The following TMEM132B variants were observed in gnomAD, a reference collection of about 807,000 sequenced individuals.
TMEM132B encodes transmembrane protein 132B.
Under a neutral mutation model 90.8 loss-of-function variants are expected in TMEM132B, and 18 were observed. The observed-to-expected ratio is 0.20, with a 90% CI of 0.14 to 0.29. TMEM132B has a LOEUF of 0.29. Among genes scored for constraint, TMEM132B ranks in the 10% least tolerant of loss-of-function variants. TMEM132B has a pLI of 1.00. For missense variants in TMEM132B, 1,096 were observed against 1,326.8 expected, an observed-to-expected ratio of 0.83 and a Z score of 2.70; for synonymous variants, 504 against 523.3, an observed-to-expected ratio of 0.96 and a Z score of 0.50.
chr12:125,317,118 T>G (rs947561682), intron 1 of TMEM132B, among the ~76,000 whole-genome samples: 1 of 152,256 alleles, frequency 6.6e-6, no homozygotes, highest in Non-Finnish European at 1.5e-5. Flanking sequence ...TTCTCCATCA[T>G]CAGCCTGGCA....
At chr12:125,417,095 C>T (rs1880035498) in intron 3 of TMEM132B, among the ~76,000 whole-genome samples, 1 of 152,120 alleles carries the variant, frequency 6.6e-6, no homozygotes, top group South Asian at 2.1e-4. Context: ...TCTGTCTTCC[C>T]ACTCCAGTAT....
At chr12:125,204,264 C>T in intron 1 of TMEM132B, among the ~76,000 whole-genome samples, 1 of 144,554 alleles carries the variant, frequency 6.9e-6, no homozygotes, top group East Asian at 2.1e-4. Flanking sequence ...CTGTGCTTAG[C>T]TCTTTATGTG....
chr12:125,406,334 C>T lies in TMEM132B; in HGVS notation c.960-9197C>T, dbSNP rs543829576. Reference sequence around the variant, plus strand: ...GCGATACTACCCCTGCGGGGTTGCACGAGGCATCTGTGTATTAGCAGTGCA... The same window carrying T: ...GCGATACTACCCCTGCGGGGTTGCATGAGGCATCTGTGTATTAGCAGTGCA... On this transcript the variant is annotated intron_variant, in intron 2 of 8. Transcript: ENST00000682704. The surrounding 1 kb of genome is among the most constrained non-coding windows in gnomAD (Gnocchi z 8.3). Among the ~76,000 whole-genome samples, 27 of 152,326 alleles carry T rather than the reference C, an allele frequency of 1.8e-4. No homozygotes were observed. Among genetic ancestry groups the T allele is most frequent in the Non-Finnish European group, 3.1e-4 (21 of 68,036 alleles).
chr12:125,290,696 GTCC>G (rs1248805424), intron 1 of TMEM132B, among the ~76,000 whole-genome samples: 2 of 152,160 alleles, frequency 1.3e-5, no homozygotes, highest in Non-Finnish European at 2.9e-5. Flanking sequence ...ATATTCATCT[GTCC>G]TCCTGCTGAT....
At chr12:125,340,123 G>A (rs77510182) in intron 1 of TMEM132B, among the ~76,000 whole-genome samples, 2,404 of 152,312 alleles carry the variant, frequency 0.016, 28 homozygotes, top group Non-Finnish European at 0.026. Flanking sequence ...ACAGTTTGGA[G>A]AAAGTGGCTA....
At chr12:125,567,868 G>A (rs2136819485) in intron 4 of TMEM132B, among the ~76,000 whole-genome samples, 1 of 152,290 alleles carries the variant, frequency 6.6e-6, no homozygotes, top group African/African-American at 2.4e-5. Flanking sequence ...AATAGGTGGT[G>A]CAAGGAATTA....
At chr12:125,572,289 G>A (rs1448265660) in intron 4 of TMEM132B, among the ~76,000 whole-genome samples, 1 of 152,228 alleles carries the variant, frequency 6.6e-6, no homozygotes, top group African/African-American at 2.4e-5. Flanking sequence ...AGCACTGGGA[G>A]CTGAAGCCTT....
At position 125,654,112 on chromosome 12, in the gene TMEM132B, AC is replaced by A; in HGVS notation, c.2658del (p.Asn887IlefsTer8). ...TSFPTQGKSP[D>X]PNNPSDLTVT... is the part of the protein sequence containing the mutation. ...TTCCCCACTCAAGGGAAGTCACCGG[AC>A]CCCAATAATCCTAGTGACCTCACAG... On this transcript the variant is annotated frameshift_variant, in exon 9 of 9. Coordinates refer to ENST00000682704, the MANE Select transcript of TMEM132B (RefSeq NM_001366854.1). LOFTEE classifies it high-confidence loss of function. This position sits in a 1 kb window ranked among gnomAD's most constrained non-coding sequence, Gnocchi z 5.8. The A allele has an allele frequency of 6.2e-7, 1 of 1,614,114 alleles. No homozygotes were observed. Among genetic ancestry groups the A allele is most frequent in the Non-Finnish European group, 8.5e-7 (1 of 1,180,024 alleles).
chr12:125,619,897 C>T (rs1375642263), intron 5 of TMEM132B, among the ~76,000 whole-genome samples: 4 of 152,170 alleles, frequency 2.6e-5, no homozygotes, highest in African/African-American at 4.8e-5. Flanking sequence ...TGTGTTGAAA[C>T]AAGCACCCTC....
chr12:125,423,256 C>G (rs1880219383), intron 3 of TMEM132B, among the ~76,000 whole-genome samples: 2 of 152,188 alleles, frequency 1.3e-5, no homozygotes, highest in Non-Finnish European at 1.5e-5. Flanking sequence ...TTGAGATACA[C>G]AATTCTTAGA....
At chr12:125,294,248 A>G (rs1875613028) in intron 1 of TMEM132B, among the ~76,000 whole-genome samples, 1 of 152,134 alleles carries the variant, frequency 6.6e-6, no homozygotes, top group South Asian at 2.1e-4. Context: ...ATACCACTAC[A>G]TTTGGGGTGG....
chr12:125,413,318 T>C (rs1879910572), intron 2 of TMEM132B, among the ~76,000 whole-genome samples: 1 of 152,178 alleles, frequency 6.6e-6, no homozygotes, highest in African/African-American at 2.4e-5. Flanking sequence ...GTGGTTTTTT[T>C]TTCCCCCATC....
intron 3 of TMEM132B, among the ~76,000 whole-genome samples, chr12:125,424,276 T>C (rs978858628): frequency 6.6e-6 from 1 of 152,216 alleles, no homozygotes; most frequent in African/African-American, 2.4e-5. Flanking sequence ...CAGGTCAAAA[T>C]ACGTGATGCG....
chr12:125,288,460 C>A (rs1875430567), intron 1 of TMEM132B, among the ~76,000 whole-genome samples: 1 of 62,120 alleles, frequency 1.6e-5, no homozygotes, highest in Middle Eastern at 8.9e-3. Flanking sequence ...AAGACTCCAT[C>A]TCAAAAAAAA....
At chr12:125,591,714 C>T (rs1034324045) in intron 5 of TMEM132B, among the ~76,000 whole-genome samples, 2 of 152,176 alleles carry the variant, frequency 1.3e-5, no homozygotes, top group Admixed American at 6.5e-5. Context: ...CTTGCCTCTT[C>T]CAGCTTCTGG....
At chr12:125,644,705 G>T (rs1245739689) in intron 6 of TMEM132B, among the ~76,000 whole-genome samples, 2 of 152,014 alleles carry the variant, frequency 1.3e-5, no homozygotes, top group Non-Finnish European at 2.9e-5. Flanking sequence ...TAAGACCGTG[G>T]GCTGTGGGAT....
At chr12:125,262,521 G>A (rs978278727) in intron 1 of TMEM132B, among the ~76,000 whole-genome samples, 1 of 152,212 alleles carries the variant, frequency 6.6e-6, no homozygotes, top group African/African-American at 2.4e-5. Flanking sequence ...GCTGATGAGT[G>A]TGTGCCCCCT....
intron 3 of TMEM132B, among the ~76,000 whole-genome samples, chr12:125,486,931 G>T (rs1437666195): frequency 6.6e-6 from 1 of 152,202 alleles, no homozygotes; most frequent in African/African-American, 2.4e-5. Flanking sequence ...CTCAAGGAAT[G>T]TATGCAGACC....
intron 1 of TMEM132B, among the ~76,000 whole-genome samples, chr12:125,235,870 C>A (rs555534126): frequency 1.6e-5 from 2 of 122,522 alleles, no homozygotes; most frequent in Non-Finnish European, 3.2e-5. Context: ...GTGGCACAAT[C>A]TCGGCTCACT....
Sources: gnomAD v4.1 joint callset for allele counts (sites outside exome capture counted in the v4.1 genomes callset) on GRCh38, gnomAD v4.1.1 for gene constraint, Gnocchi (gnomAD v3.1) non-coding constraint, MANE v1.5 for transcripts, NCBI Gene and HGNC (gene_info 2026-07-23, HGNC 2026-07-21) for gene names.